Variants in TMEM132C observed in about 807,000 individuals in gnomAD.
TMEM132C encodes protein phosphatase 1, regulatory subunit 152.
Under a neutral mutation model 61.4 loss-of-function variants are expected in TMEM132C, and 29 were observed. That is an observed-to-expected ratio of 0.47 (90% CI 0.35 to 0.64). TMEM132C has a LOEUF of 0.64. TMEM132C is among the 30% of genes least tolerant of loss of function. TMEM132C has a pLI of 0.00. For synonymous variants in TMEM132C, 656 were observed against 633.1 expected, an observed-to-expected ratio of 1.04 and a Z score of -0.54; for missense variants, 1,408 against 1,476.9, an observed-to-expected ratio of 0.95 and a Z score of 0.76.
chr12:128,291,338 T>C (rs1359283132), intron 1 of TMEM132C, among the ~76,000 whole-genome samples: 1 of 152,214 alleles, frequency 6.6e-6, no homozygotes, highest in Non-Finnish European at 1.5e-5. Flanking sequence ...CCCCACACGC[T>C]AGATGCCAGC....
intron 3 of TMEM132C, among the ~76,000 whole-genome samples, chr12:128,581,255 C>CTT (rs57374376): frequency 1.3e-3 from 185 of 144,256 alleles, no homozygotes; most frequent in African/African-American, 4.5e-3. Flanking sequence ...TTCCGGGAAT[C>CTT]TTTTTTTTTT....
Position 128,340,910 on chromosome 12 carries a change from C to CTT in TMEM132C, c.85+73424_85+73425insTT, listed in dbSNP as rs1337596899. Among the ~76,000 whole-genome samples the CTT allele has an allele frequency of 7.5e-3, 840 of 111,880 alleles. 17 individuals are homozygous for CTT. The highest frequency in any genetic ancestry group is 0.03 in the African/African-American group (802 of 26,648). The allele number at this position is 111,880 out of a possible 152,430, so 73.4% of individuals were successfully genotyped here. ...TTTTTCTTTCTTTCTCTCTTTCTCTCTCTCTTTCTCTCTCTCTCTCTCTCT... is the reference window on the plus strand; with the variant it reads ...TTTTTCTTTCTTTCTCTCTTTCTCTCTTTCTCTTTCTCTCTCTCTCTCTCTCT... On this transcript the variant is annotated intron_variant, in intron 1 of 8. Coordinates refer to ENST00000435159, the MANE Select transcript of TMEM132C (RefSeq NM_001136103.3).
chr12:128,697,503 G>A, intron 8 of TMEM132C, 88 bp downstream of exon 8: 4 of 1,340,772 alleles, frequency 3.0e-6, no homozygotes, highest in Non-Finnish European at 4.0e-6. Context: ...GTGAGAAATG[G>A]GGGCAGGTTA....
intron 1 of TMEM132C, among the ~76,000 whole-genome samples, chr12:128,388,894 A>G (rs911749059): frequency 6.6e-6 from 1 of 152,222 alleles, no homozygotes; most frequent in African/African-American, 2.4e-5. Context: ...TGAGGAAAAC[A>G]GTGGCAGCTG....
intron 5 of TMEM132C, among the ~76,000 whole-genome samples, chr12:128,686,058 T>C (rs867815468): frequency 3.9e-5 from 5 of 127,274 alleles, no homozygotes; most frequent in South Asian, 5.4e-4. Context: ...TGTGCATGTG[T>C]GTGTGTGCAT....
At chr12:128,546,090 A>C (rs1331518377) in intron 3 of TMEM132C, among the ~76,000 whole-genome samples, 1 of 152,172 alleles carries the variant, frequency 6.6e-6, no homozygotes, top group East Asian at 1.9e-4. Flanking sequence ...CTGGTGTCCC[A>C]AACAGTTCAC....
At chr12:128,348,753 T>C (rs2135960707) in intron 1 of TMEM132C, among the ~76,000 whole-genome samples, 1 of 152,288 alleles carries the variant, frequency 6.6e-6, no homozygotes, top group East Asian at 1.9e-4. Context: ...GGTGAAAGTG[T>C]TTACTTATTT....
rs767788998 is a variant in TMEM132C, at chr12:128,705,698, A to G, written c.2730A>G (p.Glu910=). ...DLPKAGSGLE[E]NDLVQTPRGL... ...CCAAGGCCGGGAGTGGGCTGGAGGA[A>G]AACGACCTGGTGCAGACTCCGCGGG... is the stretch of plus-strand genomic sequence containing the variant. The change falls in exon 9 of 9, where the codon GAA becomes GAG. Residue 910 remains glutamate (E), a synonymous_variant. Coordinates refer to ENST00000435159, the MANE Select transcript of TMEM132C (RefSeq NM_001136103.3). 6 of 1,551,456 alleles carry G rather than the reference A, an allele frequency of 3.9e-6. No individual in the cohort carries two copies. The South Asian group carries it at 5.9e-5, about 15-fold the overall frequency.
At chr12:128,275,286 C>G (rs1459140481) in intron 1 of TMEM132C, among the ~76,000 whole-genome samples, 1 of 152,184 alleles carries the variant, frequency 6.6e-6, no homozygotes, top group Non-Finnish European at 1.5e-5. Context: ...CTCCCCATCC[C>G]TCACATTACT....
chr12:128,628,307 G>A (rs776898701), intron 4 of TMEM132C, among the ~76,000 whole-genome samples: 2 of 152,092 alleles, frequency 1.3e-5, no homozygotes, highest in East Asian at 1.9e-4. Context: ...TCTGGTCCAC[G>A]GCGGCACGCT....
At chr12:128,310,873 G>T (rs899005242) in intron 1 of TMEM132C, among the ~76,000 whole-genome samples, 1 of 152,142 alleles carries the variant, frequency 6.6e-6, no homozygotes. Flanking sequence ...ATGGAGAAGA[G>T]AAGAATTTAA....
rs188253043 is a variant in TMEM132C at position 128,286,673 on chromosome 12, T to G, written c.85+19186T>G. On this transcript the variant is annotated intron_variant, in intron 1 of 8. Transcript: ENST00000435159. ...TCTGCCTTTGACCACTGAACTTTGA[T>G]GGAAAGGATGAGATACTAGAAGTGG... 3.3e-4 allele frequency among the ~76,000 whole-genome samples: 51 copies of G among 152,284 alleles called. No individual in the cohort carries two copies. In the East Asian group the frequency reaches 4.8e-3, roughly 14 times the overall value.
At chr12:128,486,987 A>G (rs1355081241) in intron 2 of TMEM132C, among the ~76,000 whole-genome samples, 2 of 152,000 alleles carry the variant, frequency 1.3e-5, no homozygotes, top group Non-Finnish European at 2.9e-5. Context: ...GGAAATCGTA[A>G]TGATTCTAAG....
chr12:128,608,860 G>A (rs1198329676), intron 3 of TMEM132C, among the ~76,000 whole-genome samples: 2 of 152,128 alleles, frequency 1.3e-5, no homozygotes, highest in African/African-American at 4.8e-5. Flanking sequence ...TCTTCCATAA[G>A]GATTGCAGAT....
At chr12:128,489,225 G>T (rs1366580306) in intron 2 of TMEM132C, among the ~76,000 whole-genome samples, 1 of 152,102 alleles carries the variant, frequency 6.6e-6, no homozygotes, top group African/African-American at 2.4e-5. Flanking sequence ...GAGGGTGGAA[G>T]GGCAGGTATT....
chr12:128,479,940 C>A (rs1201881159), intron 2 of TMEM132C, among the ~76,000 whole-genome samples: 1 of 152,146 alleles, frequency 6.6e-6, no homozygotes, highest in Non-Finnish European at 1.5e-5. Context: ...GAGGAAAATT[C>A]TGCCAGTAAA....
chr12:128,482,936 A>AAAAAT (rs1871361225), intron 2 of TMEM132C, among the ~76,000 whole-genome samples: 1 of 151,962 alleles, frequency 6.6e-6, no homozygotes, highest in Non-Finnish European at 1.5e-5. Flanking sequence ...GTGCAGAGCC[A>AAAAAT]AAAATAAAAT....
chr12:128,573,470 G>A (rs1302234761), intron 3 of TMEM132C, among the ~76,000 whole-genome samples: 1 of 151,956 alleles, frequency 6.6e-6, no homozygotes, highest in African/African-American at 2.4e-5. Context: ...GGGGAGTGGG[G>A]AGGGATAGCA....
chr12:128,593,057 C>T (rs953134357), intron 3 of TMEM132C, among the ~76,000 whole-genome samples: 13 of 143,780 alleles, frequency 9.0e-5, no homozygotes, highest in African/African-American at 2.5e-4. Flanking sequence ...TCTCTGTCTT[C>T]TCTTTCTTTC....
Sources: gnomAD v4.1 joint callset for allele counts (sites outside exome capture counted in the v4.1 genomes callset) on GRCh38, gnomAD v4.1.1 for gene constraint, MANE v1.5 for transcripts, NCBI Gene and HGNC (gene_info 2026-07-23, HGNC 2026-07-21) for gene names.